Variants in TCF20 observed in about 807,000 individuals in gnomAD.
TCF20 encodes transcription factor 20, also known as SPRE-binding protein.
A neutral mutation model predicts 148.6 loss-of-function variants in TCF20; 3 were observed. That is an observed-to-expected ratio of 0.02 (90% CI 0.01 to 0.05). The LOEUF is 0.05. TCF20 is among the 10% of genes least tolerant of loss of function. The pLI is 1.00. For missense variants in TCF20, 2,350 were observed against 2,429.3 expected, an observed-to-expected ratio of 0.97 and a Z score of 0.69; for synonymous variants, 1,049 against 909.5, an observed-to-expected ratio of 1.15 and a Z score of -2.76.
intron 1 of TCF20, among the ~76,000 whole-genome samples, chr22:42,231,953 G>C (rs1304328904): frequency 1.4e-5 from 2 of 146,098 alleles, no homozygotes; most frequent in African/African-American, 5.1e-5. Flanking sequence ...AAAAGTTACA[G>C]TAATCTAAGG....
Position 42,213,671 on chromosome 22 carries a change from G to T in TCF20, c.1635C>A (p.Asp545Glu). The T allele has an allele frequency of 1.2e-6, 2 of 1,614,074 alleles. No homozygotes were observed. The highest frequency in any genetic ancestry group is 1.7e-6 in the Non-Finnish European group (2 of 1,179,964). ...RQLSGQSTSS[D>E]TTYKGGASEK... ...CAGAGGCTCCACCCTTGTAGGTGGT[G>T]TCAGAGCTGGTGCTCTGGCCACTTA... Residue 545 changes from aspartate to glutamate, a missense_variant, in exon 2 of 6, where the codon GAC (aspartate) becomes GAA (glutamate). Transcript: ENST00000677622.
chr22:42,256,445 A>G (rs1337600124), intron 1 of TCF20, among the ~76,000 whole-genome samples: 1 of 149,822 alleles, frequency 6.7e-6, no homozygotes, highest in Non-Finnish European at 1.5e-5. Context: ...GCCAACTTTC[A>G]GCACATGCGC....
intron 2 of TCF20, among the ~76,000 whole-genome samples, chr22:42,187,263 C>T (rs1214292413): frequency 6.6e-6 from 1 of 152,200 alleles, no homozygotes; most frequent in Non-Finnish European, 1.5e-5. Context: ...CCCTCCAATA[C>T]AAGCCCATGA....
At chr22:42,207,204 G>A (rs974331129) in intron 2 of TCF20, among the ~76,000 whole-genome samples, 3 of 152,042 alleles carry the variant, frequency 2.0e-5, no homozygotes. Context: ...GAAAACAGGC[G>A]GGAGATTGTC....
chr22:42,254,959 C>CAAAAAAAAAAAAAAA lies in TCF20; in HGVS notation c.-37+15365_-37+15379dup, dbSNP rs10625678. 3.2e-3 allele frequency among the ~76,000 whole-genome samples: 202 copies of CAAAAAAAAAAAAAAA among 62,804 alleles called. 28 individuals are homozygous for CAAAAAAAAAAAAAAA. Among genetic ancestry groups the CAAAAAAAAAAAAAAA allele is most frequent in the African/African-American group, 0.019 (195 of 10,450 alleles). The allele number at this position is 62,804 out of a possible 152,430, so 41.2% of individuals were successfully genotyped here. On this transcript the variant is annotated intron_variant, in intron 1 of 5. Coordinates refer to ENST00000677622, the MANE Select transcript of TCF20 (RefSeq NM_001378418.1). ...TGGGTGACACAGCAAGACTCCGTCTCAAAAAAAAAAAAAAAAAAAAGGTAG... is the reference window on the plus strand; with the variant it reads ...TGGGTGACACAGCAAGACTCCGTCTCAAAAAAAAAAAAAAAAAAAAAAAAAAAAAAAAAAAGGTAG...
At chr22:42,235,053 A>C (rs1388843282) in intron 1 of TCF20, among the ~76,000 whole-genome samples, 1 of 151,704 alleles carries the variant, frequency 6.6e-6, no homozygotes, top group Non-Finnish European at 1.5e-5. Flanking sequence ...GAGGCAGGAG[A>C]ATTGCTTGAG....
chr22:42,239,682 C>G (rs576345060), intron 1 of TCF20, among the ~76,000 whole-genome samples: 2 of 151,918 alleles, frequency 1.3e-5, no homozygotes, highest in Non-Finnish European at 2.9e-5. Context: ...CAGCTACTCA[C>G]GAGGCTGAGG....
At chr22:42,319,919 C>G (rs1285966730) in intron 1 of TCF20, among the ~76,000 whole-genome samples, 5 of 152,218 alleles carry the variant, frequency 3.3e-5, no homozygotes, top group Admixed American at 1.3e-4. Context: ...CCTTCTCCCT[C>G]CCACCCCAGC....
chr22:42,288,176 C>G (rs1459644789), upstream of TCF20, among the ~76,000 whole-genome samples: 1 of 152,166 alleles, frequency 6.6e-6, no homozygotes, highest in Non-Finnish European at 1.5e-5. Flanking sequence ...GGGTGAATTA[C>G]TTGAGGCCAG....
chr22:42,247,659 G>A (rs1350988221), intron 1 of TCF20, among the ~76,000 whole-genome samples: 3 of 152,058 alleles, frequency 2.0e-5, no homozygotes, highest in Non-Finnish European at 2.9e-5. Flanking sequence ...AAAAGGATAC[G>A]ACAAGAGCTA....
chr22:42,268,867 G>A (rs988657834), intron 1 of TCF20, among the ~76,000 whole-genome samples: 1 of 152,236 alleles, frequency 6.6e-6, no homozygotes, highest in Non-Finnish European at 1.5e-5. Context: ...GAAGGCAGAG[G>A]CTGGAAGCTT....
At chr22:42,244,436 C>T (rs1924734339) in intron 1 of TCF20, among the ~76,000 whole-genome samples, 1 of 152,190 alleles carries the variant, frequency 6.6e-6, no homozygotes, top group Non-Finnish European at 1.5e-5. Context: ...ATACATAAAA[C>T]TGAGTATGTA....
chr22:42,339,682 T>C (rs2147063626), intron 1 of TCF20, among the ~76,000 whole-genome samples: 1 of 152,252 alleles, frequency 6.6e-6, no homozygotes, highest in East Asian at 1.9e-4. Context: ...CCTTAGAGAG[T>C]GACCCTCAGC....
intron 1 of TCF20, among the ~76,000 whole-genome samples, chr22:42,219,832 G>T (rs1367703038): frequency 6.6e-6 from 1 of 152,084 alleles, no homozygotes; most frequent in Non-Finnish European, 1.5e-5. Flanking sequence ...CTCCAGCCTG[G>T]GCAACAAAGC....
intron 1 of TCF20, among the ~76,000 whole-genome samples, chr22:42,227,322 G>A (rs1469079799): frequency 2.0e-5 from 3 of 152,144 alleles, no homozygotes; most frequent in Non-Finnish European, 4.4e-5. Flanking sequence ...ACAGAAAAGT[G>A]CAAAAATAGT....
chr22:42,215,183 A>G lies in TCF20; in HGVS notation c.123T>C (p.Phe41=), dbSNP rs1297271819. 6.2e-7 allele frequency: 1 copy of G among 1,614,142 alleles called. No homozygotes were observed. The highest frequency in any genetic ancestry group is 8.5e-7 in the Non-Finnish European group (1 of 1,180,014). The stretch of plus-strand genomic sequence containing the variant: ...TGCCACTACTGCCACCTGTACCTCC[A>G]AAATTCTGGAACATCTGGGCCTGAC... The part of the protein sequence containing the change: ...SPRQAQMFQN[F]GGTGGSSGSS... The change falls in exon 2 of 6, where the codon TTT becomes TTC. Residue 41 remains phenylalanine, a synonymous_variant. Transcript: ENST00000677622.
intron 1 of TCF20, among the ~76,000 whole-genome samples, chr22:42,254,444 T>C (rs1437244983): frequency 6.6e-6 from 1 of 152,174 alleles, no homozygotes; most frequent in East Asian, 1.9e-4. Flanking sequence ...GGGCACAGAG[T>C]CCAGAGCCAG....
intron 1 of TCF20, among the ~76,000 whole-genome samples, chr22:42,224,951 T>G (rs769521830): frequency 2.0e-5 from 3 of 151,830 alleles, no homozygotes; most frequent in Non-Finnish European, 4.4e-5. Flanking sequence ...GAAGTATTTT[T>G]TCCCCTTTTC....
chr22:42,254,175 C>G (rs1569188557), intron 1 of TCF20, among the ~76,000 whole-genome samples: 2 of 151,352 alleles, frequency 1.3e-5, no homozygotes. Flanking sequence ...TCAAAAATAT[C>G]TGCTAAGCAT....
Sources: allele counts gnomAD v4.1 joint callset (sites outside exome capture counted in the v4.1 genomes callset), GRCh38; gene constraint gnomAD v4.1.1; transcripts MANE v1.5; gene names NCBI Gene and HGNC (gene_info 2026-07-23, HGNC 2026-07-21).